The following ZNF311 variants were observed in gnomAD, a reference collection of about 807,000 sequenced individuals.
The protein encoded by ZNF311 is zinc finger protein zfp31.
ZNF311 carries 14 observed loss-of-function variants against 22.7 expected under a neutral mutation model. The ratio of observed to expected loss-of-function variants is 0.62; its 90% CI spans 0.41 to 0.96. The LOEUF is 0.96. ZNF311 is among the 40% of genes least tolerant of loss of function. The probability of loss-of-function intolerance (pLI) is 0.00; values close to 1 mark genes in which losing one functional copy is unlikely to be tolerated. For missense variants in ZNF311, 731 were observed against 799.0 expected, an observed-to-expected ratio of 0.91 and a Z score of 1.03; for synonymous variants, 250 against 275.3, an observed-to-expected ratio of 0.91 and a Z score of 0.91.
chr6:28,994,944 C>T lies in ZNF311; in HGVS notation c.*57G>A, dbSNP rs530531195. The T allele has an allele frequency of 2.0e-6, 3 of 1,482,438 alleles. No homozygotes were observed. In the South Asian group the frequency reaches 4.2e-5, roughly 21 times the overall value. The allele number at this position is 1,482,438 out of a possible 1,614,324, so 91.8% of individuals were successfully genotyped here. A position where few individuals can be genotyped will look rare whatever the true frequency, so the allele number is the denominator to read the frequency against. The stretch of plus-strand genomic sequence containing the variant: ...AATCAGGAATAACTAATATAAGAGA[C>T]AGAAGGACCAGCCTAAGAGGTAGGA... On this transcript the variant is annotated 3_prime_UTR_variant, in exon 7 of 7. Transcript: ENST00000377179.
Position 28,994,797 on chromosome 6 carries a change from G to A in ZNF311, c.*204C>T. The A allele has an allele frequency of 3.4e-6, 2 of 595,686 alleles. No individual in the cohort carries two copies. The highest frequency in any genetic ancestry group is 5.7e-6 in the Non-Finnish European group (2 of 352,206). The allele number at this position is 595,686 out of a possible 1,614,324, so 36.9% of individuals were successfully genotyped here. A position where few individuals can be genotyped will look rare whatever the true frequency, so the allele number is the denominator to read the frequency against. On this transcript the variant is annotated 3_prime_UTR_variant, in exon 7 of 7. Coordinates refer to ENST00000377179, the MANE Select transcript of ZNF311 (RefSeq NM_001382360.1). The stretch of plus-strand genomic sequence containing the variant: ...CCTAGAACACAGCAAGCACTAATAA[G>A]TGTTTATTAATATTAGGAAGTGATT...
chr6:29,004,442 C>CTTTTTT (rs9280531), intron 1 of ZNF311, among the ~76,000 whole-genome samples: 1 of 30,604 alleles, frequency 3.3e-5, no homozygotes, highest in Non-Finnish European at 4.7e-5. Flanking sequence ...TTCCTCCTTT[C>CTTTTTT]TTTTTTTTTT....
rs780300338 is a variant in ZNF311 at position 28,996,203 on chromosome 6, G to T, written c.799C>A (p.Gln267Lys). 1 of 1,613,362 alleles carries T rather than the reference G, an allele frequency of 6.2e-7. No homozygotes were observed. The highest frequency in any genetic ancestry group is 8.5e-7 in the Non-Finnish European group (1 of 1,180,050). The change falls in exon 7 of 7, where the codon CAA (glutamine) becomes AAA (lysine). Residue 267 changes from glutamine to lysine, a missense_variant. Coordinates refer to ENST00000377179, the MANE Select transcript of ZNF311 (RefSeq NM_001382360.1). ...SWHSDLILHE[Q>K]IHSGEKPHVC... is the part of the protein sequence containing the mutation. ...TGGGGTTTCTCACCAGAATGAATTT[G>T]CTCATGGAGAATTAGATCTGAGTGC... is the stretch of plus-strand genomic sequence containing the variant.
At chr6:29,000,914 C>T (rs1780361491) in intron 3 of ZNF311, among the ~76,000 whole-genome samples, 1 of 151,920 alleles carries the variant, frequency 6.6e-6, no homozygotes, top group African/African-American at 2.4e-5. Flanking sequence ...GTAGCTGGGA[C>T]TACAGGTGCC....
chr6:28,995,672 C>T lies in ZNF311; in HGVS notation c.1330G>A (p.Gly444Arg). 2 of 1,613,508 alleles carry T rather than the reference C, an allele frequency of 1.2e-6. No homozygotes were observed. Among genetic ancestry groups the T allele is most frequent in the Non-Finnish European group, 1.7e-6 (2 of 1,180,034 alleles). ...KRIHTREKHY[G>R]CPQCGKDFSI... is the part of the protein sequence containing the mutation. The stretch of plus-strand genomic sequence containing the variant: ...AAGTCTTTTCCACACTGGGGACACC[C>T]ATAGTGTTTCTCCCGAGTATGGATT... Residue 444 changes from glycine (G) to arginine (R), a missense_variant, in exon 7 of 7, where the codon GGG becomes AGG. By Grantham distance (125) the Gly-to-Arg change is moderately radical. Transcript: ENST00000377179. The surrounding 1 kb of genome is among the most constrained non-coding windows in gnomAD (Gnocchi z 4.7).
chr6:28,996,541 T>G lies in ZNF311; in HGVS notation c.461A>C (p.Gln154Pro), dbSNP rs770171345. Residue 154 changes from glutamine to proline, a missense_variant, in exon 7 of 7, where the codon CAA becomes CCA. Transcript: ENST00000377179. ...TTCTCCATTTTCAAAAATCTCTTGT[T>G]GTGAACTTGCCTTTTCATTCTCAGG... ...MWPENEKASS[Q>P]QEIFENGEAY... 1.9e-6 allele frequency: 3 copies of G among 1,604,032 alleles called. No individual in the cohort carries two copies. The highest frequency in any genetic ancestry group is 2.5e-6 in the Non-Finnish European group (3 of 1,179,572).
chr6:29,000,073 G>A (rs755917624), intron 3 of ZNF311, 26 bp from the exon 4 acceptor site: 3 of 1,595,054 alleles, frequency 1.9e-6, no homozygotes, highest in African/African-American at 1.3e-5. Context: ...TAAGCCAAGA[G>A]TCAATATAGC....
chr6:28,995,422 T>A lies in ZNF311; in HGVS notation c.1580A>T (p.Tyr527Phe), dbSNP rs1779343828. Reference sequence around the variant, plus strand: ...AGCTTTCCCACACTCTAAACATTTGTAAGGTTTCTCTCCAGTGTGGATTCT... The same window carrying A: ...AGCTTTCCCACACTCTAAACATTTGAAAGGTTTCTCTCCAGTGTGGATTCT... ...HQRIHTGEKPYKCLECGKAFS... is the reference protein window; with the variant it reads ...HQRIHTGEKPFKCLECGKAFS... Residue 527 changes from tyrosine to phenylalanine, a missense_variant, in exon 7 of 7, where the codon TAC (tyrosine) becomes TTC (phenylalanine). Coordinates refer to ENST00000377179, the MANE Select transcript of ZNF311 (RefSeq NM_001382360.1). The surrounding 1 kb of genome is among the most constrained non-coding windows in gnomAD (Gnocchi z 4.7). 1 of 1,614,150 alleles carries A rather than the reference T, an allele frequency of 6.2e-7. No individual in the cohort carries two copies. Among genetic ancestry groups the A allele is most frequent in the Non-Finnish European group, 8.5e-7 (1 of 1,180,030 alleles).
intron 6 of ZNF311, 59 bp downstream of exon 6, chr6:28,998,675 C>T: frequency 8.1e-7 from 1 of 1,241,092 alleles, no homozygotes; most frequent in Non-Finnish European, 1.2e-6. Context: ...TGAGAATGTT[C>T]CATAACCATT....
rs200725036 is a variant in ZNF311, at chr6:28,996,043, C to T, written c.959G>A (p.Arg320Gln). 229 of 1,613,086 alleles carry T rather than the reference C, an allele frequency of 1.4e-4. 3 individuals are homozygous for T. Among genetic ancestry groups the T allele is most frequent in the African/African-American group, 6.7e-5 (5 of 74,844 alleles). The change falls in exon 7 of 7, where the codon CGA becomes CAA. Residue 320 changes from arginine to glutamine, a missense_variant. Coordinates refer to ENST00000377179, the MANE Select transcript of ZNF311 (RefSeq NM_001382360.1). Reference protein sequence around the residue: ...KAFNSRSALCRHKKTHSGEKP... With the variant: ...KAFNSRSALCQHKKTHSGEKP... The stretch of plus-strand genomic sequence containing the variant: ...CTCCCCACTGTGGGTTTTTTTATGT[C>T]GGCAAAGAGCTGATCTACTGTTGAA...
rs900919087 is a variant in ZNF311, at chr6:28,995,192, C to T, written c.1810G>A (p.Val604Ile). The T allele has an allele frequency of 3.7e-6, 6 of 1,613,920 alleles. No homozygotes were observed. The highest frequency in any genetic ancestry group is 5.1e-6 in the Non-Finnish European group (6 of 1,180,044). ...TCATAAGGTTTCTCCCCAGTATGAA[C>T]TCGCTTATGTCCAATCAGAGCTGAG... The part of the protein sequence containing the change: ...QGSALIGHKR[V>I]HTGEKPYECE... The change falls in exon 7 of 7, where the codon GTT (valine) becomes ATT (isoleucine). Residue 604 changes from valine (V) to isoleucine (I), a missense_variant. Val to Ile is a conservative substitution (Grantham distance 29, BLOSUM62 3). Transcript: ENST00000377179. This position sits in a 1 kb window ranked among gnomAD's most constrained non-coding sequence, Gnocchi z 4.7.
At chr6:29,004,264 G>C in intron 1 of ZNF311, 50 bp from the exon 2 acceptor site, 1 of 1,307,056 alleles carries the variant, frequency 7.7e-7, no homozygotes, top group South Asian at 1.7e-5. Flanking sequence ...GGAAAAAATA[G>C]GGAGTCACTG....
In ZNF311 at chr6:29,000,032, G is replaced by A; in HGVS notation, c.107C>T (p.Pro36Leu). 6.2e-7 allele frequency: 1 copy of A among 1,613,518 alleles called. No homozygotes were observed. Among genetic ancestry groups the A allele is most frequent in the Non-Finnish European group, 8.5e-7 (1 of 1,179,892 alleles). ...TCCATCTTTAGTGAAGGCAGGATAT[G>A]GAGCAGGTAATAGAGCTGAGGGAAG... ...LPQESALLPA[P>L]YPAFTKDGSQ... Residue 36 changes from proline to leucine, a missense_variant, in exon 4 of 7, where the codon CCA (proline) becomes CTA (leucine). Pro to Leu is a moderately conservative substitution (Grantham distance 98). Transcript: ENST00000377179.
chr6:28,998,345 C>T lies in ZNF311; in HGVS notation c.415+389G>A, dbSNP rs1481426605. On this transcript the variant is annotated intron_variant, in intron 6 of 6. Transcript: ENST00000377179. ...GCACCACCACACCCAGCATGCACCA[C>T]CACACCCAGCTAATTTTTGTATTTT... 2.0e-5 allele frequency among the ~76,000 whole-genome samples: 3 copies of T among 151,662 alleles called. No homozygotes were observed. In the East Asian group the frequency reaches 5.8e-4, roughly 29 times the overall value.
chr6:28,999,519 A>C lies in ZNF311; in HGVS notation c.278T>G (p.Met93Arg). The C allele has an allele frequency of 6.2e-7, 1 of 1,613,172 alleles. No homozygotes were observed. The highest frequency in any genetic ancestry group is 1.3e-5 in the African/African-American group (1 of 75,020). Residue 93 changes from methionine (M) to arginine (R), a missense_variant, in exon 5 of 7, where the codon ATG becomes AGG. Transcript: ENST00000377179. ...TACCATGTTCCCATAATTTTCCAAC[A>C]TCACATCCTTATAGAGATGCCTTTG... ...YAQRHLYKDV[M>R]LENYGNMVSL...
At chr6:29,003,920 T>G (rs370026670) in intron 2 of ZNF311, 26 bp downstream of exon 2, 1 of 1,612,772 alleles carries the variant, frequency 6.2e-7, no homozygotes, top group Non-Finnish European at 8.5e-7. Context: ...CTCCTTGTGA[T>G]GTATCACAGA....
In ZNF311 at chr6:29,003,994, C is replaced by G; in HGVS notation, c.-40G>C. 6.2e-7 allele frequency: 1 copy of G among 1,612,942 alleles called. No individual in the cohort carries two copies. Among genetic ancestry groups the G allele is most frequent in the Non-Finnish European group, 8.5e-7 (1 of 1,179,910 alleles). ...TTCTTTAACAGTCTTCCACTGCTGT[C>G]CTGGTTTCTTCCTACTGGTCAGATC... On this transcript the variant is annotated 5_prime_UTR_variant, in exon 2 of 7. Transcript: ENST00000377179.
In ZNF311 at chr6:29,005,288, G is replaced by C. The variant is rs1372747655; in HGVS notation, c.-541C>G. On this transcript the variant is annotated 5_prime_UTR_variant, in exon 1 of 7. Transcript: ENST00000377179. ...AGAGAAGAATAAAAAGAATGGGTCA[G>C]GAGGCGACAAGAGCAAGACTCCGGT... The C allele has an allele frequency of 6.7e-6, 1 of 149,248 alleles. No homozygotes were observed. The highest frequency in any genetic ancestry group is 2.5e-5 in the African/African-American group (1 of 40,172). 9.2% of individuals were successfully genotyped at this position (149,248 alleles called of 1,614,324 possible).
chr6:28,995,373 G>A lies in ZNF311; in HGVS notation c.1629C>T (p.Thr543=). 6.2e-7 allele frequency: 1 copy of A among 1,614,044 alleles called. No homozygotes were observed. The highest frequency in any genetic ancestry group is 8.5e-7 in the Non-Finnish European group (1 of 1,180,026). ...CTCCAGTGTGAATTCTTCGATGATT[G>A]GTCAAGTTTGACTTCCCACTGAAAG... The part of the protein sequence containing the change: ...GKAFSGKSNL[T]NHRRIHTGEK... Residue 543 remains threonine (T), a synonymous_variant, in exon 7 of 7, where the codon ACC becomes ACT. Transcript: ENST00000377179. The surrounding 1 kb of genome is among the most constrained non-coding windows in gnomAD (Gnocchi z 4.7).
Sources: gnomAD v4.1 joint callset for allele counts (sites outside exome capture counted in the v4.1 genomes callset) on GRCh38, gnomAD v4.1.1 for gene constraint, Gnocchi (gnomAD v3.1) non-coding constraint, MANE v1.5 for transcripts, NCBI Gene and HGNC (gene_info 2026-07-23, HGNC 2026-07-21) for gene names.